The following SPA17 variants were observed in gnomAD, a reference collection of about 807,000 sequenced individuals.
The protein encoded by SPA17 is sperm autoantigenic protein 17.
A neutral mutation model predicts 13.8 loss-of-function variants in SPA17; 7 were observed. The ratio of observed to expected loss-of-function variants is 0.51; its 90% CI spans 0.29 to 0.95. The LOEUF (loss-of-function observed/expected upper bound fraction) is 0.95, where lower values mean the gene tolerates loss of function less well. Ranked by LOEUF, SPA17 falls within the 40% of genes least tolerant of loss-of-function variation. SPA17 has a pLI of 0.08. For synonymous variants in SPA17, 61 were observed against 59.0 expected (o/e 1.03, Z -0.16); for missense variants, 170 against 179.3 (o/e 0.95, Z 0.30).
At chr11:124,693,838 T>C (rs1423752347) in intron 4 of SPA17, among the ~76,000 whole-genome samples, 1 of 152,206 alleles carries the variant, frequency 6.6e-6, no homozygotes, top group East Asian at 1.9e-4. Context: ...GATTTCTCTT[T>C]GGCACCTCAC....
chr11:124,689,093 CA>C (rs1943601040), intron 3 of SPA17, among the ~76,000 whole-genome samples: 3 of 152,034 alleles, frequency 2.0e-5, no homozygotes, highest in Admixed American at 6.6e-5. Flanking sequence ...ATAGTGCTAG[CA>C]AAATTGGAGA....
In SPA17 at chr11:124,676,726, TTGGGG is replaced by T. The variant is rs555456815; in HGVS notation, c.154+1309_154+1313del. On this transcript the variant is annotated intron_variant, in intron 2 of 4. Coordinates refer to ENST00000227135, the MANE Select transcript of SPA17 (RefSeq NM_017425.4). ...TAAGAGAAATCATTTGGCAATAGACTTGGGGGCCTATGTGAGAGCAGAGGTAGGAG... is the reference window on the plus strand; with the variant it reads ...TAAGAGAAATCATTTGGCAATAGACTGCCTATGTGAGAGCAGAGGTAGGAG... 1.4e-4 allele frequency among the ~76,000 whole-genome samples: 22 copies of T among 152,364 alleles called. No homozygotes were observed. In the South Asian group the frequency reaches 4.6e-3, roughly 32 times the overall value.
chr11:124,688,102 C>T (rs1943592670), intron 3 of SPA17, among the ~76,000 whole-genome samples: 1 of 152,316 alleles, frequency 6.6e-6, no homozygotes, highest in African/African-American at 2.4e-5. Context: ...CAGCCTTGGC[C>T]TACTGTGCTC....
chr11:124,692,074 A>G (rs920211669), intron 4 of SPA17, among the ~76,000 whole-genome samples: 1 of 152,142 alleles, frequency 6.6e-6, no homozygotes, highest in African/African-American at 2.4e-5. Context: ...CCCAGTCATG[A>G]TCCTTCAGAT....
rs772572789 is a variant in SPA17, at chr11:124,681,422, AGGT to A, written c.189_191del (p.Val64del). The A allele has an allele frequency of 1.9e-5, 30 of 1,581,950 alleles. No homozygotes were observed. The highest frequency in any genetic ancestry group is 2.6e-5 in the Non-Finnish European group (30 of 1,161,532). On this transcript the variant is annotated inframe_deletion, in exon 3 of 5. Coordinates refer to ENST00000227135, the MANE Select transcript of SPA17 (RefSeq NM_017425.4). Reference sequence around the variant, plus strand: ...TTTGATCCAGCAGAATGGGGGAGTAAGGTAGAAGACCGCTTCTATAACAATCAT... The same window carrying A: ...TTTGATCCAGCAGAATGGGGGAGTAAAGAAGACCGCTTCTATAACAATCAT...
chr11:124,692,557 G>A (rs1450142720), intron 4 of SPA17, among the ~76,000 whole-genome samples: 1 of 152,002 alleles, frequency 6.6e-6, no homozygotes, highest in Non-Finnish European at 1.5e-5. Context: ...TCCAGCCTGG[G>A]CGACAGTACA....
intron 3 of SPA17, among the ~76,000 whole-genome samples, chr11:124,685,116 A>T (rs1381800731): frequency 6.6e-6 from 1 of 152,254 alleles, no homozygotes; most frequent in Admixed American, 6.5e-5. Context: ...GGTATGTCAG[A>T]GACCTTCACA....
At chr11:124,677,084 G>C (rs1215641680) in intron 2 of SPA17, among the ~76,000 whole-genome samples, 2 of 152,110 alleles carry the variant, frequency 1.3e-5, no homozygotes, top group African/African-American at 4.8e-5. Flanking sequence ...AATAATTAAA[G>C]CAAATGATGA....
At position 124,675,408 on chromosome 11, in the gene SPA17, GA is replaced by G. The variant is rs761081794; in HGVS notation, c.148del (p.Arg50GlufsTer15). On this transcript the variant is annotated frameshift_variant, in exon 2 of 5. Coordinates refer to ENST00000227135, the MANE Select transcript of SPA17 (RefSeq NM_017425.4). LOFTEE classifies it high-confidence loss of function. ...CAGCCTATTTTGAGAGCCTTCTAGA[GA>G]AAAGAGAGAGTAAGCTTTCTAAAAT... ...AAAYFESLLE[K>X]REKTNFDPAE... The G allele has an allele frequency of 6.2e-7, 1 of 1,608,650 alleles. No homozygotes were observed. The highest frequency in any genetic ancestry group is 2.2e-5 in the East Asian group (1 of 44,862).
chr11:124,687,876 A>G (rs1402069812), intron 3 of SPA17, among the ~76,000 whole-genome samples: 1 of 152,210 alleles, frequency 6.6e-6, no homozygotes, highest in African/African-American at 2.4e-5. Context: ...GAACAGGAAC[A>G]AGACAAGAAT....
chr11:124,679,507 C>G (rs1019380478), intron 2 of SPA17, among the ~76,000 whole-genome samples: 1 of 152,064 alleles, frequency 6.6e-6, no homozygotes, highest in Non-Finnish European at 1.5e-5. Context: ...TAATAAAATC[C>G]TGTAATCTTA....
Position 124,694,467 on chromosome 11 carries a change from G to A in SPA17, c.*21G>A, listed in dbSNP as rs61910597. 8.4e-5 allele frequency: 132 copies of A among 1,576,106 alleles called. No individual in the cohort carries two copies. The highest frequency in any genetic ancestry group is 1.0e-4 in the Non-Finnish European group (118 of 1,162,676). On this transcript the variant is annotated 3_prime_UTR_variant, in exon 5 of 5. Transcript: ENST00000227135. ...AGTGAGGACACTGGTTTTACCTCCA[G>A]GAAACATGAAAAATAATCCAAATCC...
In SPA17 at chr11:124,694,375, A is replaced by G. The variant is rs374299319; in HGVS notation, c.385A>G (p.Ile129Val). The change falls in exon 5 of 5, where the codon ATA becomes GTA. Residue 129 changes from isoleucine (I) to valine (V), a missense_variant. By Grantham distance (29) the Ile-to-Val change is conservative (BLOSUM62 3). Transcript: ENST00000227135. ...AATCCAAGCTGCCTTCCGGGGACAC[A>G]TAGCCAGAGAGGAGGCAAAGAAAAT... ...VKIQAAFRGH[I>V]AREEAKKMKT... The G allele has an allele frequency of 1.2e-6, 2 of 1,614,108 alleles. No homozygotes were observed. Among genetic ancestry groups the G allele is most frequent in the Middle Eastern group, 1.6e-4 (1 of 6,062 alleles).
intron 2 of SPA17, among the ~76,000 whole-genome samples, chr11:124,676,560 G>A (rs1327102267): frequency 1.3e-5 from 2 of 152,226 alleles, no homozygotes; most frequent in East Asian, 3.8e-4. Context: ...CCCTAGCAGA[G>A]CTCAAAATCT....
At chr11:124,693,351 G>A (rs982044306) in intron 4 of SPA17, among the ~76,000 whole-genome samples, 1 of 152,072 alleles carries the variant, frequency 6.6e-6, no homozygotes, top group East Asian at 1.9e-4. Flanking sequence ...ATATAATGAT[G>A]TCATAAAAAA....
At chr11:124,683,555 T>C (rs1318455680) in intron 3 of SPA17, among the ~76,000 whole-genome samples, 1 of 142,926 alleles carries the variant, frequency 7.0e-6, no homozygotes, top group African/African-American at 2.6e-5. Flanking sequence ...AAAAAAAACA[T>C]GATTCAACTA....
chr11:124,688,331 C>T (rs549023950), intron 3 of SPA17, among the ~76,000 whole-genome samples: 1 of 152,118 alleles, frequency 6.6e-6, no homozygotes, highest in African/African-American at 2.4e-5. Context: ...AATCTTATGT[C>T]TAGAAAAATC....
intron 3 of SPA17, among the ~76,000 whole-genome samples, chr11:124,688,887 A>T (rs1341342249): frequency 6.6e-6 from 1 of 152,226 alleles, no homozygotes; most frequent in Non-Finnish European, 1.5e-5. Context: ...TTTAGTGGAA[A>T]AGACAGCAAT....
In SPA17 at chr11:124,694,882, GAT is replaced by G. The variant is rs1943657755; in HGVS notation, c.*438_*439del. 3 of 152,920 alleles carry G rather than the reference GAT, an allele frequency of 2.0e-5. No homozygotes were observed. The highest frequency in any genetic ancestry group is 2.0e-4 in the Admixed American group (3 of 15,318). 9.5% of individuals were successfully genotyped at this position (152,920 alleles called of 1,614,324 possible). ...TATTTAATTTTGGAATTTTTAGAAA[GAT>G]AAGCTGGGACAAAAATCTGCCTCCT... On this transcript the variant is annotated 3_prime_UTR_variant, in exon 5 of 5. Transcript: ENST00000227135.
Sources: gnomAD v4.1 joint callset for allele counts (sites outside exome capture counted in the v4.1 genomes callset) on GRCh38, gnomAD v4.1.1 for gene constraint, MANE v1.5 for transcripts, NCBI Gene and HGNC (gene_info 2026-07-23, HGNC 2026-07-21) for gene names.